NGFR: variants seen among roughly 807,000 people sequenced by gnomAD.
The protein encoded by NGFR is nerve growth factor receptor.
A neutral mutation model predicts 43.2 loss-of-function variants in NGFR; 30 were observed. That is an observed-to-expected ratio of 0.69 (90% CI 0.52 to 0.94). NGFR has a LOEUF of 0.94. Among genes scored for constraint, NGFR ranks in the 40% least tolerant of loss-of-function variants. The pLI is 0.00. For missense variants in NGFR, 529 were observed against 602.5 expected (o/e 0.88, Z 1.28); for synonymous variants, 246 against 259.6 (o/e 0.95, Z 0.50).
At position 49,510,676 on chromosome 17, in the gene NGFR, C is replaced by T; in HGVS notation, c.821+12C>T. 2 of 1,608,324 alleles carry T rather than the reference C, an allele frequency of 1.2e-6. No individual in the cohort carries two copies. The highest frequency in any genetic ancestry group is 1.7e-6 in the Non-Finnish European group (2 of 1,175,110). On this transcript the variant is annotated intron_variant, in intron 4 of 5. Coordinates refer to ENST00000172229, the MANE Select transcript of NGFR (RefSeq NM_002507.4). Reference sequence around the variant, plus strand: ...ATAGCCTTCAAGAGGTAAGAGAGGGCACGGTGGCGACAGAGAGGGGAGATG... The same window carrying T: ...ATAGCCTTCAAGAGGTAAGAGAGGGTACGGTGGCGACAGAGAGGGGAGATG...
chr17:49,505,100 C>A (rs1460565505), intron 2 of NGFR, among the ~76,000 whole-genome samples: 1 of 152,058 alleles, frequency 6.6e-6, no homozygotes, highest in Non-Finnish European at 1.5e-5. Flanking sequence ...CCTTTCACTT[C>A]TCTCTGGCTT....
intron 1 of NGFR, among the ~76,000 whole-genome samples, chr17:49,501,493 C>T (rs1220067536): frequency 6.6e-6 from 1 of 152,228 alleles, no homozygotes; most frequent in Non-Finnish European, 1.5e-5. Flanking sequence ...CTGGCCCTCT[C>T]CTTTCTGCTC....
In NGFR at chr17:49,511,274, C is replaced by G. The variant is rs548451100; in HGVS notation, c.821+610C>G. Among the ~76,000 whole-genome samples the G allele has an allele frequency of 1.2e-3, 180 of 152,276 alleles. 4 individuals are homozygous for G. In the South Asian group the frequency reaches 0.037, roughly 31 times the overall value. The stretch of plus-strand genomic sequence containing the variant: ...TCTGTTTGAAATGGATCCTTCCCAA[C>G]TATTTTCTGTGTGTCTTTTTTTATA... On this transcript the variant is annotated intron_variant, in intron 4 of 5. Transcript: ENST00000172229.
At position 49,495,327 on chromosome 17, in the gene NGFR, A is replaced by C; in HGVS notation, c.-91A>C. On this transcript the variant is annotated 5_prime_UTR_variant, in exon 1 of 6. Coordinates refer to ENST00000172229, the MANE Select transcript of NGFR (RefSeq NM_002507.4). This position sits in a 1 kb window ranked among gnomAD's most constrained non-coding sequence, Gnocchi z 6.4. The stretch of plus-strand genomic sequence containing the variant: ...CGAGCCGCGGCCAGCTCCGGCGGGC[A>C]GGGGGGGCGCTGGAGCGCAGCGCAG... 2 of 1,036,446 alleles carry C rather than the reference A, an allele frequency of 1.9e-6. No homozygotes were observed. Among genetic ancestry groups the C allele is most frequent in the Non-Finnish European group, 2.5e-6 (2 of 811,452 alleles). 64.2% of individuals were successfully genotyped at this position (1,036,446 alleles called of 1,614,324 possible). A position where few individuals can be genotyped will look rare whatever the true frequency, so the allele number is the denominator to read the frequency against.
At position 49,510,839 on chromosome 17, in the gene NGFR, G is replaced by A. The variant is rs576952376; in HGVS notation, c.821+175G>A. Reference sequence around the variant, plus strand: ...GTGCAGCAGGTCAGCAGGAGGTGAGGGGAGAGGATCCACCTGTCCTGTCCT... The same window carrying A: ...GTGCAGCAGGTCAGCAGGAGGTGAGAGGAGAGGATCCACCTGTCCTGTCCT... On this transcript the variant is annotated intron_variant, in intron 4 of 5. Transcript: ENST00000172229. 3.5e-5 allele frequency: 26 copies of A among 749,088 alleles called. No homozygotes were observed. In the South Asian group the frequency reaches 4.5e-4, roughly 13 times the overall value. 46.4% of individuals were successfully genotyped at this position (749,088 alleles called of 1,614,324 possible). A position where few individuals can be genotyped will look rare whatever the true frequency, so the allele number is the denominator to read the frequency against.
At chr17:49,497,306 G>C (rs1183058205) in intron 1 of NGFR, 3 of 152,338 alleles carry the variant, frequency 2.0e-5, no homozygotes, top group African/African-American at 7.2e-5. Flanking sequence ...CTGTGGCTGC[G>C]TCCGGGGATT....
intron 1 of NGFR, 63 bp from the exon 2 acceptor site, chr17:49,502,000 A>ACGCCCCC: frequency 5.3e-5 from 14 of 264,886 alleles, no homozygotes; most frequent in Non-Finnish European, 9.5e-5. Flanking sequence ...CCCCGGAAGA[A>ACGCCCCC]CCCCCCCCAA....
chr17:49,503,900 C>T (rs1383316056), intron 2 of NGFR, among the ~76,000 whole-genome samples: 1 of 152,176 alleles, frequency 6.6e-6, no homozygotes, highest in Non-Finnish European at 1.5e-5. Context: ...GTCAAAGGAC[C>T]TTCAGCAGGA....
chr17:49,510,931 C>T (rs1490570840), intron 4 of NGFR: 1 of 493,638 alleles, frequency 2.0e-6, no homozygotes, highest in East Asian at 3.5e-5. Context: ...CCTGACTCCC[C>T]ACCCCCAACT....
rs2071134794 is a variant in NGFR, at chr17:49,495,783, C to A, written c.66+300C>A. 8.4e-6 allele frequency: 3 copies of A among 356,356 alleles called. No individual in the cohort carries two copies. The highest frequency in any genetic ancestry group is 1.5e-5 in the Non-Finnish European group (3 of 199,220). 22.1% of individuals were successfully genotyped at this position (356,356 alleles called of 1,614,324 possible). A position where few individuals can be genotyped will look rare whatever the true frequency, so the allele number is the denominator to read the frequency against. Reference sequence around the variant, plus strand: ...TTTCAAGAGGGGGCATGGGGCTCTCCGATGCCCAGGTTCTTCGGAAGAGGA... The same window carrying A: ...TTTCAAGAGGGGGCATGGGGCTCTCAGATGCCCAGGTTCTTCGGAAGAGGA... On this transcript the variant is annotated intron_variant, in intron 1 of 5. Coordinates refer to ENST00000172229, the MANE Select transcript of NGFR (RefSeq NM_002507.4). This position sits in a 1 kb window ranked among gnomAD's most constrained non-coding sequence, Gnocchi z 6.4.
intron 3 of NGFR, among the ~76,000 whole-genome samples, chr17:49,509,822 A>G (rs2071220252): frequency 6.6e-6 from 1 of 152,192 alleles, no homozygotes; most frequent in Non-Finnish European, 1.5e-5. Context: ...CCAAGCCTAG[A>G]GCCTGAGACA....
At chr17:49,498,355 T>TAGCTCCTTTCCTCCC in intron 1 of NGFR, among the ~76,000 whole-genome samples, 1 of 152,318 alleles carries the variant, frequency 6.6e-6, no homozygotes, top group South Asian at 2.1e-4. Flanking sequence ...CTTGGGTAAT[T>TAGCTCCTTTCCTCCC]AGCTCCTTTC....
At chr17:49,511,115 TA>T (rs34854378) in intron 4 of NGFR, 5,048 of 129,704 alleles carry the variant, frequency 0.039, 194 homozygotes, top group East Asian at 0.15. Context: ...CCATTCTTTC[TA>T]AAAAAAAAAA....
intron 1 of NGFR, 64 bp from the exon 2 acceptor site, chr17:49,501,999 A>ATGGCCCCCCCCCCCCCCCCCCCC: frequency 3.0e-6 from 1 of 330,984 alleles, no homozygotes; most frequent in Non-Finnish European, 5.9e-6. Flanking sequence ...TCCCCGGAAG[A>ATGGCCCCCCCCCCCCCCCCCCCC]ACCCCCCCCA....
At chr17:49,506,886 T>G (rs2071203140) in intron 3 of NGFR, among the ~76,000 whole-genome samples, 1 of 152,182 alleles carries the variant, frequency 6.6e-6, no homozygotes, top group South Asian at 2.1e-4. Context: ...TGTGTTACCT[T>G]CTTTGGGCTG....
rs1222717212 is a variant in NGFR, at chr17:49,510,586, C to A, written c.743C>A (p.Thr248Asn). The change falls in exon 4 of 6, where the codon ACC becomes AAC. Residue 248 changes from threonine to asparagine, a missense_variant. By Grantham distance (65) the Thr-to-Asn change is moderately conservative. Transcript: ENST00000172229. ...SSQPVVTRGT[T>N]DNLIPVYCSI... The stretch of plus-strand genomic sequence containing the variant: ...CAGCCCGTGGTGACCCGAGGCACCA[C>A]CGACAACCTCATCCCTGTCTATTGC... 1 of 1,614,132 alleles carries A rather than the reference C, an allele frequency of 6.2e-7. No individual in the cohort carries two copies. The highest frequency in any genetic ancestry group is 1.1e-5 in the South Asian group (1 of 91,082).
intron 1 of NGFR, among the ~76,000 whole-genome samples, chr17:49,499,162 A>G (rs192751575): frequency 1.3e-5 from 2 of 152,308 alleles, no homozygotes; most frequent in East Asian, 1.9e-4. Context: ...GTTACTAATT[A>G]TCTGGCCCCT....
At chr17:49,502,000 A>AGGGGGCCCC in intron 1 of NGFR, 63 bp from the exon 2 acceptor site, 3 of 264,886 alleles carry the variant, frequency 1.1e-5, no homozygotes, top group Non-Finnish European at 1.6e-5. Context: ...CCCCGGAAGA[A>AGGGGGCCCC]CCCCCCCCAA....
At chr17:49,510,220 C>T (rs889645352) in intron 3 of NGFR, among the ~76,000 whole-genome samples, 192 bp from the exon 4 acceptor site, 7 of 152,220 alleles carry the variant, frequency 4.6e-5, no homozygotes, top group African/African-American at 1.7e-4. Flanking sequence ...GAAGGAGATG[C>T]AGCTCTGTGG....
Sources: gnomAD v4.1 joint callset for allele counts (sites outside exome capture counted in the v4.1 genomes callset) on GRCh38, gnomAD v4.1.1 for gene constraint, Gnocchi (gnomAD v3.1) non-coding constraint, MANE v1.5 for transcripts, NCBI Gene and HGNC (gene_info 2026-07-23, HGNC 2026-07-21) for gene names.